The following MYO18A variants were observed in gnomAD, a reference collection of about 807,000 sequenced individuals.
The protein encoded by MYO18A is myosin XVIIIA.
MYO18A carries 78 observed loss-of-function variants against 235.8 expected under a neutral mutation model. That is an observed-to-expected ratio of 0.33 (90% CI 0.28 to 0.40). The LOEUF is 0.40. MYO18A is among the 10% of genes least tolerant of loss of function. The probability of loss-of-function intolerance (pLI) is 1.00; values close to 1 mark genes in which losing one functional copy is unlikely to be tolerated. For synonymous variants in MYO18A, 977 were observed against 1,077.8 expected (o/e 0.91, Z 1.83); for missense variants, 2,215 against 2,699.3 (o/e 0.82, Z 3.98).
chr17:29,090,414 T>C, intron 36 of MYO18A, 118 bp downstream of exon 36: 1 of 896,544 alleles, frequency 1.1e-6, no homozygotes, highest in South Asian at 1.6e-5. Context: ...TCATTTACGC[T>C]GCTCTGTGGA....
intron 21 of MYO18A, among the ~76,000 whole-genome samples, chr17:29,101,694 C>T (rs758253921): frequency 6.6e-5 from 10 of 152,180 alleles, no homozygotes; most frequent in African/African-American, 2.4e-4. Flanking sequence ...ACAGCAAACA[C>T]GCTTGGTTAG....
At chr17:29,114,164 G>T in intron 14 of MYO18A, 67 bp from the exon 15 acceptor site, 1 of 1,243,204 alleles carries the variant, frequency 8.0e-7, no homozygotes. Flanking sequence ...TTGTGAGTAG[G>T]CTGGGAAGGG....
intron 1 of MYO18A, among the ~76,000 whole-genome samples, chr17:29,178,177 G>T (rs2068574452): frequency 6.6e-6 from 1 of 152,196 alleles, no homozygotes; most frequent in South Asian, 2.1e-4. Context: ...CAGCCCAGGA[G>T]TGAGGCTGAG....
chr17:29,086,382 A>G (rs767092452), intron 39 of MYO18A, 56 bp downstream of exon 39: 11 of 1,548,078 alleles, frequency 7.1e-6, no homozygotes, highest in Non-Finnish European at 8.7e-6. Flanking sequence ...CTGGTTCCAG[A>G]GGTGGTCAAG....
intron 2 of MYO18A, chr17:29,136,944 G>A (rs2067618935): frequency 6.6e-6 from 1 of 152,200 alleles, no homozygotes; most frequent in Non-Finnish European, 1.5e-5. Flanking sequence ...CACTCTGCAG[G>A]TCTACCCACC....
At chr17:29,075,195 C>T (rs1451733581) in intron 41 of MYO18A, 1 of 350,294 alleles carries the variant, frequency 2.9e-6, no homozygotes, top group Admixed American at 3.9e-5. Flanking sequence ...GGCCCTTCCT[C>T]TTAGAAACCT....
rs990139516 is a variant in MYO18A at position 29,110,733 on chromosome 17, C to T, written c.2901-111G>A. On this transcript the variant is annotated intron_variant, in intron 17 of 41. Transcript: ENST00000527372. ...CTAAACAGTCCCATTCAGCCACGTCCAGGGGCCTGGCTACCTGAACTGCAT... is the reference window on the plus strand; with the variant it reads ...CTAAACAGTCCCATTCAGCCACGTCTAGGGGCCTGGCTACCTGAACTGCAT... 4.4e-6 allele frequency: 5 copies of T among 1,125,014 alleles called. No homozygotes were observed. The Admixed American group carries it at 1.4e-4, about 32-fold the overall frequency. The allele number at this position is 1,125,014 out of a possible 1,614,324, so 69.7% of individuals were successfully genotyped here.
At chr17:29,080,998 A>G (rs2066107278) in intron 41 of MYO18A, 18 of 985,254 alleles carry the variant, frequency 1.8e-5, no homozygotes, top group Admixed American at 1.2e-4. Context: ...CTCCTTAGAG[A>G]GGCTGTTGAG....
At position 29,166,254 on chromosome 17, in the gene MYO18A, T is replaced by C; in HGVS notation, c.687A>G (p.Gly229=). 1 of 1,612,902 alleles carries C rather than the reference T, an allele frequency of 6.2e-7. No individual in the cohort carries two copies. The highest frequency in any genetic ancestry group is 8.5e-7 in the Non-Finnish European group (1 of 1,179,858). Residue 229 remains glycine (G), a synonymous_variant, in exon 2 of 42, where the codon GGA becomes GGG. Transcript: ENST00000527372. The part of the protein sequence containing the change: ...RELELQRRPT[G]DFGFSLRRTT... ...TGCGCCGCAGGGAGAAGCCAAAGTC[T>C]CCAGTGGGCCGTCGTTGCAGCTCCA...
chr17:29,127,316 T>G (rs2067346205), intron 2 of MYO18A, among the ~76,000 whole-genome samples: 1 of 152,248 alleles, frequency 6.6e-6, no homozygotes. Context: ...TTATGTATAC[T>G]GTATGGCACT....
chr17:29,128,306 C>T, intron 2 of MYO18A: 2 of 1,219,768 alleles, frequency 1.6e-6, no homozygotes, highest in Non-Finnish European at 2.1e-6. Context: ...CTTGGCATTC[C>T]CAAGCTCCTC....
At chr17:29,078,320 CTT>C (rs1014932002) in intron 41 of MYO18A, 7 of 152,238 alleles carry the variant, frequency 4.6e-5, no homozygotes, top group African/African-American at 1.2e-4. Flanking sequence ...TCGGCTGACT[CTT>C]GTCTTACTAT....
chr17:29,113,194 CG>C (rs1036054709), intron 15 of MYO18A, among the ~76,000 whole-genome samples: 3 of 152,110 alleles, frequency 2.0e-5, no homozygotes, highest in Admixed American at 2.0e-4. Context: ...CATCTGTCCC[CG>C]GGGGGATACT....
chr17:29,111,331 G>T lies in MYO18A; in HGVS notation c.2900+93C>A. On this transcript the variant is annotated intron_variant, in intron 17 of 41. Coordinates refer to ENST00000527372, the MANE Select transcript of MYO18A (RefSeq NM_078471.4). The surrounding 1 kb of genome is among the most constrained non-coding windows in gnomAD (Gnocchi z 5.1). ...AATAAAGGCCATCTACTTTGCTAGT[G>T]AGGGGGCCTCTGAGACAACCCCAGG... The T allele has an allele frequency of 7.0e-7, 1 of 1,424,154 alleles. No homozygotes were observed. The highest frequency in any genetic ancestry group is 9.6e-7 in the Non-Finnish European group (1 of 1,042,382). 88.2% of individuals were successfully genotyped at this position (1,424,154 alleles called of 1,614,324 possible).
rs141383361 is a variant in MYO18A at position 29,093,776 on chromosome 17, C to T, written c.4821+204G>A. ...TGCCCCTGGCACAGAAAGCAGGGAG[C>T]GATAGTTCCTCAGGGGCCCAAGCTT... On this transcript the variant is annotated intron_variant, in intron 31 of 41. Coordinates refer to ENST00000527372, the MANE Select transcript of MYO18A (RefSeq NM_078471.4). Among the ~76,000 whole-genome samples, 173 of 152,226 alleles carry T rather than the reference C, an allele frequency of 1.1e-3. 1 individual carries two copies. Among genetic ancestry groups the T allele is most frequent in the Middle Eastern group, 6.8e-3 (2 of 294 alleles).
Position 29,120,881 on chromosome 17 carries a change from G to A in MYO18A, c.1585+117C>T. On this transcript the variant is annotated intron_variant, in intron 6 of 41. Transcript: ENST00000527372. The surrounding 1 kb of genome is among the most constrained non-coding windows in gnomAD (Gnocchi z 4.2). ...AGACCAGAACTGCCCGTGGACAGAG[G>A]GGTTTCGGGGGGATGGAAAGGCCAG... 1 of 1,557,116 alleles carries A rather than the reference G, an allele frequency of 6.4e-7. No individual in the cohort carries two copies. Among genetic ancestry groups the A allele is most frequent in the Non-Finnish European group, 8.7e-7 (1 of 1,144,864 alleles).
intron 37 of MYO18A, 121 bp from the exon 38 acceptor site, chr17:29,087,242 G>T: frequency 9.9e-7 from 1 of 1,013,866 alleles, no homozygotes; most frequent in Non-Finnish European, 1.5e-6. Flanking sequence ...ACCGTTCATT[G>T]GCTACCTGGG....
intron 28 of MYO18A, among the ~76,000 whole-genome samples, chr17:29,096,336 T>A (rs1296199488): frequency 6.6e-6 from 1 of 152,202 alleles, no homozygotes; most frequent in African/African-American, 2.4e-5. Flanking sequence ...CTCCTTTGTA[T>A]CATTACCATA....
chr17:29,086,354 A>G, intron 39 of MYO18A, 84 bp downstream of exon 39: 1 of 1,480,260 alleles, frequency 6.8e-7, no homozygotes, highest in Non-Finnish European at 9.2e-7. Context: ...AGAGGTTGCA[A>G]CTGTTCTACC....
Sources: allele counts gnomAD v4.1 joint callset (sites outside exome capture counted in the v4.1 genomes callset), GRCh38; gene constraint gnomAD v4.1.1; non-coding constraint Gnocchi (gnomAD v3.1); transcripts MANE v1.5; gene names NCBI Gene and HGNC (gene_info 2026-07-23, HGNC 2026-07-21).